YWHAG: variants seen among roughly 807,000 people sequenced by gnomAD.
YWHAG encodes tyrosine 3-monooxygenase/tryptophan 5-monooxygenase activation protein gamma.
Under a neutral mutation model 23.3 loss-of-function variants are expected in YWHAG, and 1 was observed. That is an observed-to-expected ratio of 0.04 (90% CI 0.02 to 0.20). The LOEUF (loss-of-function observed/expected upper bound fraction) is 0.20, where lower values mean the gene tolerates loss of function less well. Among genes scored for constraint, YWHAG ranks in the 10% least tolerant of loss-of-function variants. YWHAG has a pLI of 1.00. For missense variants in YWHAG, 151 were observed against 338.6 expected (o/e 0.45, Z 4.35); for synonymous variants, 160 against 144.0 (o/e 1.11, Z -0.80).
At chr7:76,350,747 G>A (rs1233237214) in intron 1 of YWHAG, among the ~76,000 whole-genome samples, 5 of 152,176 alleles carry the variant, frequency 3.3e-5, no homozygotes, top group Non-Finnish European at 7.3e-5. Context: ...GGGAAGCTGA[G>A]GCAGGAGAAT....
chr7:76,335,183 G>A (rs575589147), intron 1 of YWHAG, among the ~76,000 whole-genome samples: 34 of 152,008 alleles, frequency 2.2e-4, no homozygotes, highest in Non-Finnish European at 4.6e-4. Context: ...TCAGCCTCCC[G>A]AGTACCTGGG....
Position 76,329,430 on chromosome 7 carries a change from G to C in YWHAG, c.*147C>G. ...GTGGTATTTTGGCAAAAATGTCAAA[G>C]AGGCGATCAAAGACAGGACAGGTCG... On this transcript the variant is annotated 3_prime_UTR_variant, in exon 2 of 2. Coordinates refer to ENST00000307630, the MANE Select transcript of YWHAG (RefSeq NM_012479.4). This position sits in a 1 kb window ranked among gnomAD's most constrained non-coding sequence, Gnocchi z 6.1. The C allele has an allele frequency of 1.9e-6, 2 of 1,079,884 alleles. No individual in the cohort carries two copies. The highest frequency in any genetic ancestry group is 2.6e-6 in the Non-Finnish European group (2 of 775,772). 66.9% of individuals were successfully genotyped at this position (1,079,884 alleles called of 1,614,324 possible).
Position 76,358,822 on chromosome 7 carries a change from G to A in YWHAG, c.-14C>T, listed in dbSNP as rs1401021034. On this transcript the variant is annotated 5_prime_UTR_variant, in exon 1 of 2. Transcript: ENST00000307630. ...GCGGTCCACCATCTTCGCGGGGCTG[G>A]GTCTGGCCGGAGAAGGAGGAGGACA... 3 of 1,586,138 alleles carry A rather than the reference G, an allele frequency of 1.9e-6. No individual in the cohort carries two copies. The highest frequency in any genetic ancestry group is 2.6e-6 in the Non-Finnish European group (3 of 1,167,598).
At chr7:76,332,806 C>T (rs1418793334) in intron 1 of YWHAG, among the ~76,000 whole-genome samples, 4 of 151,360 alleles carry the variant, frequency 2.6e-5, no homozygotes, top group South Asian at 2.1e-4. Flanking sequence ...CAAGTTCAAG[C>T]GATTCTCCTG....
intron 1 of YWHAG, among the ~76,000 whole-genome samples, chr7:76,332,950 C>T (rs1326774835): frequency 3.9e-5 from 6 of 152,060 alleles, no homozygotes; most frequent in African/African-American, 9.7e-5. Flanking sequence ...GTGATCCACC[C>T]GCCTCAGTCT....
rs181265612 is a variant in YWHAG, at chr7:76,348,787, G to A, written c.87+9935C>T. 2.1e-4 allele frequency among the ~76,000 whole-genome samples: 32 copies of A among 152,012 alleles called. No individual in the cohort carries two copies. The East Asian group carries it at 5.1e-3, about 24-fold the overall frequency. ...ACTCCTGACCTCAGGTGACCCGCCC[G>A]CCTCCACCTCCCAGAGTGCTGGGAA... On this transcript the variant is annotated intron_variant, in intron 1 of 1. Coordinates refer to ENST00000307630, the MANE Select transcript of YWHAG (RefSeq NM_012479.4).
chr7:76,345,896 G>T (rs1256222167), intron 1 of YWHAG, among the ~76,000 whole-genome samples: 2 of 152,072 alleles, frequency 1.3e-5, no homozygotes, highest in African/African-American at 4.8e-5. Flanking sequence ...AGCCGAGATT[G>T]CACCAGTGCA....
chr7:76,334,258 T>G (rs532902794), intron 1 of YWHAG, among the ~76,000 whole-genome samples: 113 of 152,314 alleles, frequency 7.4e-4, no homozygotes, highest in African/African-American at 2.5e-3. Flanking sequence ...CCCCACCATA[T>G]TAGTTTTAAA....
chr7:76,353,326 C>T (rs1301904350), intron 1 of YWHAG, among the ~76,000 whole-genome samples: 1 of 152,082 alleles, frequency 6.6e-6, no homozygotes, highest in Admixed American at 6.6e-5. Context: ...AATTCTCCGG[C>T]CTCAGCCTCC....
At chr7:76,333,154 G>C in intron 1 of YWHAG, among the ~76,000 whole-genome samples, 1 of 151,934 alleles carries the variant, frequency 6.6e-6, no homozygotes. Context: ...TTTTTCTGTA[G>C]AGACAAGGTC....
intron 1 of YWHAG, among the ~76,000 whole-genome samples, chr7:76,350,523 C>G: frequency 6.6e-6 from 1 of 152,168 alleles, no homozygotes; most frequent in East Asian, 1.9e-4. Context: ...ATGCCTACTG[C>G]TTTTGCACCA....
At position 76,329,735 on chromosome 7, in the gene YWHAG, A is replaced by G. The variant is rs374159775; in HGVS notation, c.586T>C (p.Leu196=). 3.4e-5 allele frequency: 55 copies of G among 1,614,008 alleles called. 1 individual carries two copies. The highest frequency in any genetic ancestry group is 6.7e-5 in the East Asian group (3 of 44,890). The change falls in exon 2 of 2, where the codon TTG becomes CTG. Residue 196 remains leucine (L), a synonymous_variant. Coordinates refer to ENST00000307630, the MANE Select transcript of YWHAG (RefSeq NM_012479.4). The surrounding 1 kb of genome is among the most constrained non-coding windows in gnomAD (Gnocchi z 6.1). The stretch of plus-strand genomic sequence containing the variant: ...GCGTCGTCGAACGCGGTCTTGGCCA[A>G]GTGGCACGCTTGCTCTGGGGCGTTC... The part of the protein sequence containing the change: ...IQNAPEQACH[L]AKTAFDDAIA...
chr7:76,333,803 C>T lies in YWHAG; in HGVS notation c.88-3570G>A, dbSNP rs560837823. Among the ~76,000 whole-genome samples, 4 of 152,374 alleles carry T rather than the reference C, an allele frequency of 2.6e-5. No individual in the cohort carries two copies. In the South Asian group the frequency reaches 6.2e-4, roughly 24 times the overall value. On this transcript the variant is annotated intron_variant, in intron 1 of 1. Coordinates refer to ENST00000307630, the MANE Select transcript of YWHAG (RefSeq NM_012479.4). ...TGCCTCCAGTGCAAGGAGAGGCCAG[C>T]GTGCCGAAGGCCACAAAGATCAAGT... is the stretch of plus-strand genomic sequence containing the variant.
Position 76,327,689 on chromosome 7 carries a change from C to CA in YWHAG, c.*1887dup, listed in dbSNP as rs1563660694. The CA allele has an allele frequency of 3.6e-5, 4 of 110,290 alleles. No homozygotes were observed. The highest frequency in any genetic ancestry group is 1.6e-4 in the African/African-American group (4 of 25,302). 6.8% of individuals were successfully genotyped at this position (110,290 alleles called of 1,614,324 possible). ...CCCTGCCCCCCCCCCCCTCCCCCCC[C>CA]AAATCGTCTTCCTCCCATGGCAATG... On this transcript the variant is annotated 3_prime_UTR_variant, in exon 2 of 2. Transcript: ENST00000307630.
intron 1 of YWHAG, among the ~76,000 whole-genome samples, chr7:76,355,816 A>G (rs543938425): frequency 1.3e-4 from 20 of 152,318 alleles, no homozygotes; most frequent in African/African-American, 4.8e-4. Flanking sequence ...TTTCTCCCCA[A>G]GGCAAGTACC....
intron 1 of YWHAG, among the ~76,000 whole-genome samples, chr7:76,355,505 C>T (rs777205209): frequency 1.2e-4 from 18 of 152,258 alleles, no homozygotes; most frequent in African/African-American, 2.9e-4. Context: ...ATTCTTTCCA[C>T]GCCCAAGAAG....
In YWHAG at chr7:76,328,187, G is replaced by C. The variant is rs1054721673; in HGVS notation, c.*1390C>G. The C allele has an allele frequency of 2.6e-5, 4 of 152,058 alleles. No individual in the cohort carries two copies. Among genetic ancestry groups the C allele is most frequent in the African/African-American group, 9.7e-5 (4 of 41,386 alleles). The allele number at this position is 152,058 out of a possible 1,614,324, so 9.4% of individuals were successfully genotyped here. On this transcript the variant is annotated 3_prime_UTR_variant, in exon 2 of 2. Transcript: ENST00000307630. ...GCCTTAAGGCTGCCGAAAACAAATG[G>C]GTGGAAATAGCAACGTTGTTTCCGT...
chr7:76,357,250 T>A (rs1401287676), intron 1 of YWHAG, among the ~76,000 whole-genome samples: 3 of 152,214 alleles, frequency 2.0e-5, no homozygotes, highest in Non-Finnish European at 4.4e-5. Context: ...CTGCTTTAAA[T>A]ATAAAGGTAT....
Position 76,328,373 on chromosome 7 carries a change from T to C in YWHAG, c.*1204A>G, listed in dbSNP as rs921735299. 6.6e-6 allele frequency: 1 copy of C among 152,170 alleles called. No homozygotes were observed. Among genetic ancestry groups the C allele is most frequent in the African/African-American group, 2.4e-5 (1 of 41,426 alleles). 9.4% of individuals were successfully genotyped at this position (152,170 alleles called of 1,614,324 possible). On this transcript the variant is annotated 3_prime_UTR_variant, in exon 2 of 2. Transcript: ENST00000307630. The stretch of plus-strand genomic sequence containing the variant: ...AGTTTTTTTATCTTCCTACAATTAC[T>C]TGGGGAAGGAGTGTCTTCGGGGAGG...
Sources: allele counts gnomAD v4.1 joint callset (sites outside exome capture counted in the v4.1 genomes callset), GRCh38; gene constraint gnomAD v4.1.1; non-coding constraint Gnocchi (gnomAD v3.1); transcripts MANE v1.5; gene names NCBI Gene and HGNC (gene_info 2026-07-23, HGNC 2026-07-21).